Variants in TET2 observed in about 807,000 individuals in gnomAD.
TET2 encodes tet methylcytosine dioxygenase 2, also known as methylcytosine dioxygenase TET2.
In TET2, 299 loss-of-function variants were observed where a neutral mutation model predicts 142.9. That is an observed-to-expected ratio of 2.09 (90% CI 1.90 to 2.30). The LOEUF is 2.30. Ranked by LOEUF, TET2 falls within the 30% of genes most tolerant of loss-of-function variation. TET2 has a pLI of 0.00. For missense variants in TET2, 2,418 were observed against 2,378.0 expected (o/e 1.02, Z -0.35); for synonymous variants, 819 against 849.0 (o/e 0.96, Z 0.61).
intron 6 of TET2, among the ~76,000 whole-genome samples, chr4:105,245,313 T>G (rs1488444342): frequency 1.3e-5 from 2 of 152,202 alleles, no homozygotes; most frequent in East Asian, 3.9e-4. Flanking sequence ...AAACTTATGA[T>G]GGACTACTTT....
intron 2 of TET2, among the ~76,000 whole-genome samples, chr4:105,202,812 C>T (rs1726560923): frequency 6.6e-6 from 1 of 152,106 alleles, no homozygotes; most frequent in Admixed American, 6.6e-5. Flanking sequence ...AATAGAATTG[C>T]TGTCAACAAA....
intron 3 of TET2, 83 bp downstream of exon 3, chr4:105,237,434 T>G (rs1236010375): frequency 6.2e-7 from 1 of 1,613,426 alleles, no homozygotes; most frequent in Non-Finnish European, 8.5e-7. Context: ...TTTCCTTCTT[T>G]TTTTAAATCT....
At chr4:105,185,640 G>C (rs962249097) in intron 1 of TET2, among the ~76,000 whole-genome samples, 1 of 152,068 alleles carries the variant, frequency 6.6e-6, no homozygotes, top group Non-Finnish European at 1.5e-5. Flanking sequence ...TTAGCCAGGC[G>C]TGGGGGCATG....
At chr4:105,146,616 G>T, upstream of TET2, 1 of 153,626 alleles carries the variant, frequency 6.5e-6, no homozygotes, top group South Asian at 2.0e-4. Flanking sequence ...GCGCAGGCCG[G>T]GGCGGAGCGG....
intron 2 of TET2, among the ~76,000 whole-genome samples, chr4:105,200,634 T>G (rs907655909): frequency 6.7e-6 from 1 of 149,496 alleles, no homozygotes; most frequent in South Asian, 2.1e-4. Flanking sequence ...CACTGTTTTT[T>G]TTTGTTTGTT....
At chr4:105,150,987 T>C (rs1311221639) in intron 1 of TET2, among the ~76,000 whole-genome samples, 1 of 152,212 alleles carries the variant, frequency 6.6e-6, no homozygotes, top group Non-Finnish European at 1.5e-5. Flanking sequence ...ATATATAATC[T>C]TTTTCTCAAA....
rs190859029 is a variant in TET2, at chr4:105,215,768, C to T, written c.-46-18129C>T. ...ATGCTACATCTTACCACAAAGAGAA[C>T]ATTGAAACATGGGAAAGAGTTTGCT... On this transcript the variant is annotated intron_variant, in intron 2 of 10. Transcript: ENST00000380013. 2.1e-4 allele frequency among the ~76,000 whole-genome samples: 32 copies of T among 152,194 alleles called. No individual in the cohort carries two copies. In the East Asian group the frequency reaches 5.6e-3, roughly 27 times the overall value.
chr4:105,235,485 A>G lies in TET2; in HGVS notation c.1543A>G (p.Asn515Asp). 1.9e-6 allele frequency: 3 copies of G among 1,614,206 alleles called. No homozygotes were observed. The highest frequency in any genetic ancestry group is 2.5e-6 in the Non-Finnish European group (3 of 1,180,024). Residue 515 changes from asparagine to aspartate, a missense_variant, in exon 3 of 11, where the codon AAC becomes GAC. Asn to Asp is a conservative substitution (Grantham distance 23). Coordinates refer to ENST00000380013, the MANE Select transcript of TET2 (RefSeq NM_001127208.3). Reference sequence around the variant, plus strand: ...ACCAATGTCAGAACACCTCAAGCATAACCCACCAATTTTTGGTAGCAGTGG... The same window carrying G: ...ACCAATGTCAGAACACCTCAAGCATGACCCACCAATTTTTGGTAGCAGTGG... ...TRPMSEHLKH[N>D]PPIFGSSGEL...
intron 1 of TET2, among the ~76,000 whole-genome samples, chr4:105,184,786 TG>T (rs986436815): frequency 3.9e-5 from 6 of 152,156 alleles, no homozygotes; most frequent in Non-Finnish European, 7.3e-5. Context: ...AAACACTTTG[TG>T]GGCATATCCT....
At chr4:105,156,115 G>T (rs1723554445) in intron 1 of TET2, among the ~76,000 whole-genome samples, 1 of 152,124 alleles carries the variant, frequency 6.6e-6, no homozygotes, top group Admixed American at 6.6e-5. Flanking sequence ...TTTTAAAAAA[G>T]TTGTTCACAA....
rs578113241 is a variant in TET2 at position 105,258,353 on chromosome 4, A to ATACTT, written c.3804-1262_3804-1258dup. ...ATTCCTTTTGCATTTATTAGCTGGA[A>ATACTT]TACTTTACAGGACTTTTCCTCATCA... On this transcript the variant is annotated intron_variant, in intron 6 of 10. Transcript: ENST00000380013. 9.2e-5 allele frequency among the ~76,000 whole-genome samples: 14 copies of ATACTT among 152,328 alleles called. No individual in the cohort carries two copies. The South Asian group carries it at 1.4e-3, about 16-fold the overall frequency.
rs896942430 is a variant in TET2, at chr4:105,153,156, C to T, written c.-193+6177C>T. On this transcript the variant is annotated intron_variant, in intron 1 of 10. Coordinates refer to ENST00000380013, the MANE Select transcript of TET2 (RefSeq NM_001127208.3). Reference sequence around the variant, plus strand: ...TATGAAATAATACAGAGAGATTCCACGTATACTTGCTCAATTTCCCCCAGT... The same window carrying T: ...TATGAAATAATACAGAGAGATTCCATGTATACTTGCTCAATTTCCCCCAGT... Among the ~76,000 whole-genome samples the T allele has an allele frequency of 5.3e-5, 8 of 152,214 alleles. No homozygotes were observed. In the South Asian group the frequency reaches 1.2e-3, roughly 24 times the overall value.
intron 1 of TET2, among the ~76,000 whole-genome samples, chr4:105,162,227 G>C (rs1723893361): frequency 6.6e-6 from 1 of 152,112 alleles, no homozygotes; most frequent in South Asian, 2.1e-4. Context: ...AGGAGTCCCA[G>C]GTTACCCTAA....
Position 105,234,906 on chromosome 4 carries a change from C to G in TET2, c.964C>G (p.Leu322Val). The change falls in exon 3 of 11, where the codon CTA becomes GTA. Residue 322 changes from leucine to valine, a missense_variant. Coordinates refer to ENST00000380013, the MANE Select transcript of TET2 (RefSeq NM_001127208.3). The stretch of plus-strand genomic sequence containing the variant: ...CTGTTCCTTTCAGAAACCAGAACAA[C>G]TACAACAACAAAAATCAGTTTTTGA... ...NTCSFQKPEQ[L>V]QQQKSVFEIC... 1 of 1,614,124 alleles carries G rather than the reference C, an allele frequency of 6.2e-7. No individual in the cohort carries two copies. Among genetic ancestry groups the G allele is most frequent in the Non-Finnish European group, 8.5e-7 (1 of 1,180,006 alleles).
rs1728757632 is a variant in TET2, at chr4:105,235,026, G to A, written c.1084G>A (p.Ala362Thr). 1 of 1,614,136 alleles carries A rather than the reference G, an allele frequency of 6.2e-7. No homozygotes were observed. Among genetic ancestry groups the A allele is most frequent in the Non-Finnish European group, 8.5e-7 (1 of 1,180,014 alleles). The change falls in exon 3 of 11, where the codon GCT (alanine) becomes ACT (threonine). Residue 362 changes from alanine (A) to threonine (T), a missense_variant. Coordinates refer to ENST00000380013, the MANE Select transcript of TET2 (RefSeq NM_001127208.3). The part of the protein sequence containing the change: ...FCSGSSSNLQ[A>T]PGGSSERYLK... ...TTCAGGTTCCAGCAGCAATTTGCAA[G>A]CTCCTGGTGGCAGCTCTGAACGGTA...
intron 6 of TET2, among the ~76,000 whole-genome samples, chr4:105,252,129 A>G (rs931995725): frequency 2.0e-5 from 3 of 152,204 alleles, no homozygotes; most frequent in African/African-American, 7.2e-5. Flanking sequence ...TCACCATTAC[A>G]GTATCATTCA....
intron 9 of TET2, 110 bp downstream of exon 9, chr4:105,269,857 A>G (rs1289799185): frequency 7.6e-7 from 1 of 1,309,220 alleles, no homozygotes; most frequent in Non-Finnish European, 1.1e-6. Context: ...TAATTGACTC[A>G]CAGTTCCACA....
At chr4:105,266,377 T>G (rs1301563155) in intron 8 of TET2, among the ~76,000 whole-genome samples, 1 of 151,878 alleles carries the variant, frequency 6.6e-6, no homozygotes, top group Non-Finnish European at 1.5e-5. Context: ...AAGGTAAAAT[T>G]TATAGTCTAG....
intron 2 of TET2, among the ~76,000 whole-genome samples, chr4:105,230,049 A>G (rs1415292634): frequency 6.6e-6 from 1 of 151,886 alleles, no homozygotes; most frequent in Non-Finnish European, 1.5e-5. Context: ...ATATATATAT[A>G]TATATTTTTT....
Sources: allele counts gnomAD v4.1 joint callset (sites outside exome capture counted in the v4.1 genomes callset), GRCh38; gene constraint gnomAD v4.1.1; transcripts MANE v1.5; gene names NCBI Gene and HGNC (gene_info 2026-07-23, HGNC 2026-07-21).